SORBS2: variants seen among roughly 807,000 people sequenced by gnomAD.
The protein encoded by SORBS2 is sorbin and SH3 domain containing 2, also known as sorbin and SH3 domain-containing protein 2.
Under a neutral mutation model 97.7 loss-of-function variants are expected in SORBS2, and 46 were observed. The ratio of observed to expected loss-of-function variants is 0.47; its 90% CI spans 0.37 to 0.60. The LOEUF is 0.60. Ranked by LOEUF, SORBS2 falls within the 20% of genes least tolerant of loss-of-function variation. The pLI is 0.00. For missense variants in SORBS2, 1,316 were observed against 1,282.3 expected (o/e 1.03, Z -0.40); for synonymous variants, 476 against 473.4 (o/e 1.01, Z -0.07).
chr4:185,619,665 G>A (rs1167919449), intron 8 of SORBS2, among the ~76,000 whole-genome samples: 1 of 152,198 alleles, frequency 6.6e-6, no homozygotes, highest in African/African-American at 2.4e-5. Context: ...GATTTCTGTA[G>A]GCTCTGTATT....
At chr4:185,933,429 T>C (rs930432907) in intron 1 of SORBS2, 9 of 152,052 alleles carry the variant, frequency 5.9e-5, no homozygotes, top group Non-Finnish European at 1.3e-4. Context: ...CTGTGAGAAA[T>C]GCATCCTGTG....
At chr4:185,948,435 G>C (rs2099275569) in intron 1 of SORBS2, among the ~76,000 whole-genome samples, 1 of 150,976 alleles carries the variant, frequency 6.6e-6, no homozygotes, top group African/African-American at 2.4e-5. Context: ...GATAATCACT[G>C]GTTTCCACAC....
intron 1 of SORBS2, chr4:185,811,234 A>T (rs927157899): frequency 6.6e-6 from 1 of 152,192 alleles, no homozygotes; most frequent in East Asian, 1.9e-4. Context: ...CTGTGTTAAG[A>T]GTTAAATAAA....
At chr4:185,887,200 G>A (rs955661047) in intron 1 of SORBS2, among the ~76,000 whole-genome samples, 6 of 152,200 alleles carry the variant, frequency 3.9e-5, no homozygotes, top group Admixed American at 1.3e-4. Flanking sequence ...CTACATAGGC[G>A]CTCACAGTTC....
intron 1 of SORBS2, chr4:185,812,898 T>A (rs2099189236): frequency 6.6e-6 from 1 of 152,256 alleles, no homozygotes; most frequent in South Asian, 2.1e-4. Flanking sequence ...TTAAAAATTC[T>A]TTTTAAAAAA....
intron 1 of SORBS2, among the ~76,000 whole-genome samples, chr4:185,828,376 C>G (rs1406689479): frequency 6.6e-6 from 1 of 152,190 alleles, no homozygotes; most frequent in African/African-American, 2.4e-5. Context: ...CTTGTGAGCC[C>G]TCAGCAATGC....
At chr4:185,776,287 C>T (rs898323531) in intron 1 of SORBS2, among the ~76,000 whole-genome samples, 1 of 152,114 alleles carries the variant, frequency 6.6e-6, no homozygotes, top group African/African-American at 2.4e-5. Context: ...CAGACTTTTT[C>T]ACATGATGAG....
intron 1 of SORBS2, among the ~76,000 whole-genome samples, chr4:185,870,168 T>C (rs2099229603): frequency 6.6e-6 from 1 of 152,190 alleles, no homozygotes; most frequent in Non-Finnish European, 1.5e-5. Context: ...TTATCTGCCT[T>C]TTAAGTGAGG....
intron 2 of SORBS2, among the ~76,000 whole-genome samples, chr4:185,752,767 C>T (rs1408017717): frequency 1.3e-5 from 2 of 152,098 alleles, no homozygotes; most frequent in Non-Finnish European, 2.9e-5. Context: ...CTTAATGAAA[C>T]CCAGCTACTG....
At position 185,611,974 on chromosome 4, in the gene SORBS2, T is replaced by A; in HGVS notation, c.2602A>T (p.Arg868Ter). ...TCAACTCTTTTAAGAAGAATAACTC[T>A]ATCTCCCTGTTATGAATATGAGAAA... is the stretch of plus-strand genomic sequence containing the variant. The change falls in exon 12 of 15, where the codon AGA becomes TGA. Residue 868 changes from arginine (R) to a stop codon, truncating the protein, a stop_gained. Transcript: ENST00000418609. LOFTEE classifies it high-confidence loss of function. 6.3e-7 allele frequency: 1 copy of A among 1,587,994 alleles called. No homozygotes were observed. Among genetic ancestry groups the A allele is most frequent in the Non-Finnish European group, 8.6e-7 (1 of 1,156,766 alleles).
At chr4:185,905,099 T>C (rs1561286017) in intron 1 of SORBS2, among the ~76,000 whole-genome samples, 2 of 143,804 alleles carry the variant, frequency 1.4e-5, no homozygotes, top group Non-Finnish European at 3.1e-5. Flanking sequence ...AGTGAAACTC[T>C]GTCAAAAAAA....
intron 2 of SORBS2, among the ~76,000 whole-genome samples, chr4:185,720,922 C>T (rs544222576): frequency 3.3e-5 from 5 of 152,026 alleles, no homozygotes; most frequent in Non-Finnish European, 5.9e-5. Context: ...GTAGGCCCAT[C>T]GCTCTGTCTC....
intron 1 of SORBS2, among the ~76,000 whole-genome samples, chr4:185,912,113 G>A (rs1303027525): frequency 3.3e-5 from 5 of 152,038 alleles, no homozygotes; most frequent in Non-Finnish European, 7.4e-5. Flanking sequence ...TGCACAAAAT[G>A]CATGTTTAAA....
chr4:185,890,121 A>G (rs957830760), intron 1 of SORBS2, among the ~76,000 whole-genome samples: 3 of 152,144 alleles, frequency 2.0e-5, no homozygotes, highest in Non-Finnish European at 4.4e-5. Context: ...TCCTGACCTC[A>G]AGTGATCCAC....
intron 4 of SORBS2, among the ~76,000 whole-genome samples, chr4:185,666,490 C>T (rs1314005202): frequency 6.6e-6 from 1 of 152,132 alleles, no homozygotes; most frequent in African/African-American, 2.4e-5. Flanking sequence ...ACTGTTTCCT[C>T]AGGAGTTTTA....
chr4:185,720,340 T>G (rs374297181), intron 2 of SORBS2, among the ~76,000 whole-genome samples: 4 of 151,792 alleles, frequency 2.6e-5, no homozygotes, highest in Admixed American at 2.0e-4. Context: ...AATAGTTCCA[T>G]TTTATATTTA....
At chr4:185,935,705 T>A (rs1304422583) in intron 1 of SORBS2, among the ~76,000 whole-genome samples, 1 of 152,112 alleles carries the variant, frequency 6.6e-6, no homozygotes, top group Middle Eastern at 3.2e-3. Context: ...GTTTTTGAGA[T>A]ATGTATATGG....
At chr4:185,753,346 G>T (rs1398480683) in intron 2 of SORBS2, among the ~76,000 whole-genome samples, 2 of 152,112 alleles carry the variant, frequency 1.3e-5, no homozygotes, top group Non-Finnish European at 2.9e-5. Context: ...GAAAGTTACT[G>T]GGAGAATTAG....
intron 1 of SORBS2, among the ~76,000 whole-genome samples, chr4:185,911,033 CA>C (rs1262330116): frequency 1.3e-5 from 2 of 151,984 alleles, no homozygotes; most frequent in East Asian, 3.9e-4. Flanking sequence ...AGAATAACCT[CA>C]CAAAGCAGGT....
Sources: allele counts gnomAD v4.1 joint callset (sites outside exome capture counted in the v4.1 genomes callset), GRCh38; gene constraint gnomAD v4.1.1; transcripts MANE v1.5; gene names NCBI Gene and HGNC (gene_info 2026-07-23, HGNC 2026-07-21).